Variants in ROCK2 observed in about 807,000 individuals in gnomAD.
ROCK2 encodes Rho associated coiled-coil containing protein kinase 2, also known as rho-associated protein kinase 2.
A neutral mutation model predicts 195.1 loss-of-function variants in ROCK2; 61 were observed. The ratio of observed to expected loss-of-function variants is 0.31; its 90% CI spans 0.25 to 0.39. The LOEUF is 0.39. Ranked by LOEUF, ROCK2 falls within the 10% of genes least tolerant of loss-of-function variation. The probability of loss-of-function intolerance (pLI) is 1.00; values close to 1 mark genes in which losing one functional copy is unlikely to be tolerated. For missense variants in ROCK2, 1,109 were observed against 1,637.4 expected, an observed-to-expected ratio of 0.68 and a Z score of 5.57; for synonymous variants, 504 against 545.5, an observed-to-expected ratio of 0.92 and a Z score of 1.06.
chr2:11,222,064 T>C lies in ROCK2; in HGVS notation c.1099+19A>G. ...TTCAGAATGTGATGGAATGAAAATATTTAGGTTTATTGACTTACTTTCTCT... is the reference window on the plus strand; with the variant it reads ...TTCAGAATGTGATGGAATGAAAATACTTAGGTTTATTGACTTACTTTCTCT... On this transcript the variant is annotated intron_variant, in intron 8 of 32. Coordinates refer to ENST00000315872, the MANE Select transcript of ROCK2 (RefSeq NM_004850.5). 1 of 1,411,744 alleles carries C rather than the reference T, an allele frequency of 7.1e-7. No homozygotes were observed. Among genetic ancestry groups the C allele is most frequent in the Non-Finnish European group, 1.0e-6 (1 of 997,382 alleles). 87.5% of individuals were successfully genotyped at this position (1,411,744 alleles called of 1,614,324 possible). A position where few individuals can be genotyped will look rare whatever the true frequency, so the allele number is the denominator to read the frequency against.
intron 9 of ROCK2, among the ~76,000 whole-genome samples, chr2:11,220,240 A>C (rs1664589085): frequency 6.7e-6 from 1 of 149,854 alleles, no homozygotes; most frequent in Non-Finnish European, 1.5e-5. Flanking sequence ...CTGGTCTTGA[A>C]CTCCCGACCT....
At chr2:11,257,957 G>T (rs1319214517) in intron 3 of ROCK2, among the ~76,000 whole-genome samples, 1 of 151,392 alleles carries the variant, frequency 6.6e-6, no homozygotes, top group African/African-American at 2.5e-5. Context: ...TATCATAATA[G>T]AAATTCTGAG....
chr2:11,323,893 T>C (rs930908772), intron 1 of ROCK2, among the ~76,000 whole-genome samples: 1 of 152,202 alleles, frequency 6.6e-6, no homozygotes, highest in African/African-American at 2.4e-5. Context: ...TTCTTGGTAC[T>C]GCACATCCCA....
intron 3 of ROCK2, among the ~76,000 whole-genome samples, chr2:11,283,900 G>C (rs1452150318): frequency 1.3e-5 from 2 of 152,160 alleles, no homozygotes; most frequent in Non-Finnish European, 1.5e-5. Flanking sequence ...CAGCAATCAA[G>C]ATCCTTGGTA....
intron 1 of ROCK2, among the ~76,000 whole-genome samples, chr2:11,315,321 G>A (rs943052328): frequency 2.0e-5 from 3 of 151,996 alleles, no homozygotes; most frequent in African/African-American, 7.2e-5. Context: ...TGCAGTGTAT[G>A]CTTCAGAGTG....
intron 1 of ROCK2, among the ~76,000 whole-genome samples, chr2:11,316,265 G>C (rs1453520997): frequency 6.6e-6 from 1 of 152,036 alleles, no homozygotes; most frequent in African/African-American, 2.4e-5. Context: ...AGGCCTTAGA[G>C]ACCAAGAAAA....
intron 1 of ROCK2, among the ~76,000 whole-genome samples, chr2:11,337,430 A>G (rs1023413351): frequency 7.2e-5 from 11 of 152,222 alleles, no homozygotes; most frequent in Admixed American, 1.3e-4. Flanking sequence ...TGCTTCAAAC[A>G]GATGCTTCAC....
intron 3 of ROCK2, among the ~76,000 whole-genome samples, chr2:11,268,556 G>GTC (rs1233600236): frequency 2.7e-5 from 4 of 147,722 alleles, no homozygotes; most frequent in Admixed American, 6.7e-5. Context: ...GTGTGTGTGT[G>GTC]TCTCTGCATT....
Position 11,198,729 on chromosome 2 carries a change from C to G in ROCK2, c.2956G>C (p.Ala986Pro). 1 of 1,610,078 alleles carries G rather than the reference C, an allele frequency of 6.2e-7. No homozygotes were observed. The highest frequency in any genetic ancestry group is 8.5e-7 in the Non-Finnish European group (1 of 1,178,242). The change falls in exon 24 of 33, where the codon GCA becomes CCA. Residue 986 changes from alanine (A) to proline (P), a missense_variant. By Grantham distance (27) the Ala-to-Pro change is conservative. This residue lies in a region of ROCK2 where 542 missense variants were observed against 672.0 expected (regional missense o/e 0.81). Coordinates refer to ENST00000315872, the MANE Select transcript of ROCK2 (RefSeq NM_004850.5). Reference sequence around the variant, plus strand: ...TTATTTAATTCTTCTTTCTCATTTGCAAGATTGGCAACATCACTAGTTAGT... The same window carrying G: ...TTATTTAATTCTTCTTTCTCATTTGGAAGATTGGCAACATCACTAGTTAGT... ...RTLTSDVANL[A>P]NEKEELNNKL...
At chr2:11,231,355 G>A (rs1172824985) in intron 5 of ROCK2, among the ~76,000 whole-genome samples, 4 of 151,944 alleles carry the variant, frequency 2.6e-5, no homozygotes, top group South Asian at 2.1e-4. Context: ...CTATAGGCCC[G>A]CGCCATCATG....
At chr2:11,292,582 TAACA>T (rs1011407510) in intron 1 of ROCK2, among the ~76,000 whole-genome samples, 4 of 152,122 alleles carry the variant, frequency 2.6e-5, no homozygotes, top group African/African-American at 9.7e-5. Flanking sequence ...GAATACTAAA[TAACA>T]AACAAGTTTT....
intron 20 of ROCK2, among the ~76,000 whole-genome samples, chr2:11,203,364 T>C (rs531545542): frequency 1.3e-5 from 2 of 152,238 alleles, no homozygotes; most frequent in Non-Finnish European, 2.9e-5. Context: ...TTCAGATATA[T>C]AGATAAAGGC....
At chr2:11,326,927 G>A (rs934469462) in intron 1 of ROCK2, among the ~76,000 whole-genome samples, 2 of 152,130 alleles carry the variant, frequency 1.3e-5, no homozygotes, top group African/African-American at 2.4e-5. Context: ...ATCCGGGGAG[G>A]ATACTTTCTT....
intron 6 of ROCK2, among the ~76,000 whole-genome samples, chr2:11,225,981 T>G (rs1040556910): frequency 4.6e-5 from 7 of 152,228 alleles, no homozygotes; most frequent in Non-Finnish European, 5.9e-5. Flanking sequence ...AAATTTGCAA[T>G]TTACCGAAAA....
In ROCK2 at chr2:11,248,708, C is replaced by CAAAAAAAAAAAAAAAAAAAAAAA. The variant is rs70953372; in HGVS notation, c.462+930_462+952dup. ...TGAGCAACAGAGCAAGACTTCATCT[C>CAAAAAAAAAAAAAAAAAAAAAAA]AAAAAAAAAAAAAAAAAAAAAAAAA... On this transcript the variant is annotated intron_variant, in intron 4 of 32. Coordinates refer to ENST00000315872, the MANE Select transcript of ROCK2 (RefSeq NM_004850.5). Among the ~76,000 whole-genome samples, 31 of 45,418 alleles carry CAAAAAAAAAAAAAAAAAAAAAAA rather than the reference C, an allele frequency of 6.8e-4. 2 individuals carry two copies. Among genetic ancestry groups the CAAAAAAAAAAAAAAAAAAAAAAA allele is most frequent in the African/African-American group, 2.0e-3 (15 of 7,400 alleles). The allele number at this position is 45,418 out of a possible 152,430, so 29.8% of individuals were successfully genotyped here.
chr2:11,343,233 A>G (rs1669162801), intron 1 of ROCK2, among the ~76,000 whole-genome samples: 1 of 152,222 alleles, frequency 6.6e-6, no homozygotes, highest in East Asian at 1.9e-4. Flanking sequence ...ATAAGAAATA[A>G]GCCAGCATTC....
intron 4 of ROCK2, among the ~76,000 whole-genome samples, chr2:11,244,650 C>T (rs1665549060): frequency 6.6e-6 from 1 of 151,674 alleles, no homozygotes; most frequent in Admixed American, 6.6e-5. Context: ...GTACCAGCTA[C>T]TTGGGAAACT....
intron 20 of ROCK2, among the ~76,000 whole-genome samples, chr2:11,204,569 C>G (rs1048581706): frequency 6.6e-6 from 1 of 152,080 alleles, no homozygotes; most frequent in Non-Finnish European, 1.5e-5. Flanking sequence ...GGTGCTAGAT[C>G]TCCTAGAACA....
chr2:11,290,262 A>C (rs1439290337), intron 1 of ROCK2, among the ~76,000 whole-genome samples: 2 of 152,162 alleles, frequency 1.3e-5, no homozygotes, highest in African/African-American at 4.8e-5. Context: ...ATAAACTTTC[A>C]TAAGTTTTAA....
Sources: gnomAD v4.1 joint callset for allele counts (sites outside exome capture counted in the v4.1 genomes callset) on GRCh38, gnomAD v4.1.1 for gene constraint, gnomAD v4.1.1 regional missense constraint, MANE v1.5 for transcripts, NCBI Gene and HGNC (gene_info 2026-07-23, HGNC 2026-07-21) for gene names.